Variants in SYNM observed in about 807,000 individuals in gnomAD.
The protein encoded by SYNM is desmuslin.
A neutral mutation model predicts 104.0 loss-of-function variants in SYNM; 95 were observed. The ratio of observed to expected loss-of-function variants is 0.91; its 90% confidence interval spans 0.77 to 1.08. SYNM has a LOEUF of 1.08. SYNM is among the 50% of genes least tolerant of loss of function. SYNM has a pLI of 0.00. For synonymous variants in SYNM, 918 were observed against 869.0 expected (o/e 1.06, Z -0.99); for missense variants, 2,150 against 2,052.2 (o/e 1.05, Z -0.92).
downstream of SYNM, chr15:99,140,092 A>G (rs1009613864): frequency 1.4e-4 from 29 of 206,996 alleles, no homozygotes; most frequent in Non-Finnish European, 5.9e-5. Flanking sequence ...TTTTAAATAA[A>G]GTAATTAAGA....
At chr15:99,116,652 G>A (rs2067352501) in intron 2 of SYNM, among the ~76,000 whole-genome samples, 1 of 142,858 alleles carries the variant, frequency 7.0e-6, no homozygotes, top group African/African-American at 2.5e-5. Flanking sequence ...GAGCAAGAGA[G>A]TGGGGAGGTG....
rs782805410 is a variant in SYNM at position 99,132,610 on chromosome 15, T to C, written c.4250T>C (p.Ile1417Thr). ...ACAGAAACGGAAACCTCTGAACACA[T>C]TGCCATCCGTGGACCCGTGTCCAGA... ...GPTETETSEH[I>T]AIRGPVSRTF... Residue 1417 changes from isoleucine (I) to threonine (T), a missense_variant, in exon 4 of 4, where the codon ATT (isoleucine) becomes ACT (threonine). Ile to Thr is a moderately conservative substitution (Grantham distance 89). Coordinates refer to ENST00000336292, the MANE Select transcript of SYNM (RefSeq NM_145728.3). 1.8e-5 allele frequency: 29 copies of C among 1,613,860 alleles called. No individual in the cohort carries two copies. The highest frequency in any genetic ancestry group is 6.6e-5 in the South Asian group (6 of 91,078).
chr15:99,120,781 T>G (rs1402182739), intron 2 of SYNM, among the ~76,000 whole-genome samples: 1 of 151,980 alleles, frequency 6.6e-6, no homozygotes, highest in Non-Finnish European at 1.5e-5. Flanking sequence ...GATTGAAGAT[T>G]GATGAAGGTC....
intron 1 of SYNM, 26 bp from the exon 2 acceptor site, chr15:99,113,565 T>C (rs528812094): frequency 1.1e-5 from 17 of 1,611,776 alleles, no homozygotes; most frequent in African/African-American, 8.0e-5. Flanking sequence ...AGTTCTCTGA[T>C]ATAAAAGTCT....
intron 2 of SYNM, among the ~76,000 whole-genome samples, chr15:99,124,275 G>A (rs368049456): frequency 2.4e-4 from 36 of 152,338 alleles, no homozygotes; most frequent in South Asian, 6.2e-4. Flanking sequence ...AGAGGAAGTC[G>A]TGGTTTCTGG....
At position 99,130,992 on chromosome 15, in the gene SYNM, CAGA is replaced by C; in HGVS notation, c.2635_2637del (p.Lys879del). 1 of 1,613,742 alleles carries C rather than the reference CAGA, an allele frequency of 6.2e-7. No individual in the cohort carries two copies. The highest frequency in any genetic ancestry group is 8.5e-7 in the Non-Finnish European group (1 of 1,179,786). On this transcript the variant is annotated inframe_deletion, in exon 4 of 4. Transcript: ENST00000336292. ...CGTGCAGGGGACTCGAAGGAGGACA[CAGA>C]AGGACGGTGCAGTGGGCGAGAAGGT...
At chr15:99,123,859 C>T (rs1396843112) in intron 2 of SYNM, among the ~76,000 whole-genome samples, 2 of 152,276 alleles carry the variant, frequency 1.3e-5, no homozygotes, top group East Asian at 3.8e-4. Flanking sequence ...GATTGTTCAG[C>T]AATTCCATTA....
chr15:99,126,507 G>A (rs1000678069), intron 2 of SYNM, among the ~76,000 whole-genome samples: 4 of 152,374 alleles, frequency 2.6e-5, no homozygotes, highest in East Asian at 1.9e-4. Flanking sequence ...GGGATGTGGC[G>A]GTGAGCAGAG....
downstream of SYNM, chr15:99,137,132 G>A (rs958756244): frequency 4.6e-5 from 7 of 152,264 alleles, no homozygotes; most frequent in African/African-American, 1.4e-4. Context: ...CATCCACCTC[G>A]ATCTGGCACT....
intron 2 of SYNM, among the ~76,000 whole-genome samples, chr15:99,117,416 G>C (rs1427599688): frequency 1.3e-5 from 2 of 152,200 alleles, no homozygotes; most frequent in Non-Finnish European, 2.9e-5. Context: ...CCTCTTATGA[G>C]TCACATGGAC....
Position 99,105,916 on chromosome 15 carries a change from C to T in SYNM, c.717C>T (p.Arg239=), listed in dbSNP as rs782488874. 4 of 1,531,958 alleles carry T rather than the reference C, an allele frequency of 2.6e-6. No individual in the cohort carries two copies. The highest frequency in any genetic ancestry group is 3.5e-6 in the Non-Finnish European group (4 of 1,144,238). The allele number at this position is 1,531,958 out of a possible 1,614,324, so 94.9% of individuals were successfully genotyped here. ...LCAQEAEALR[R]EALGLEQLRA... Reference sequence around the variant, plus strand: ...CGCAGGAGGCAGAGGCGCTGCGGCGCGAGGCGCTCGGGTTGGAGCAGCTGC... The same window carrying T: ...CGCAGGAGGCAGAGGCGCTGCGGCGTGAGGCGCTCGGGTTGGAGCAGCTGC... The change falls in exon 1 of 4, where the codon CGC becomes CGT. Residue 239 remains arginine, a synonymous_variant. Coordinates refer to ENST00000336292, the MANE Select transcript of SYNM (RefSeq NM_145728.3).
intron 1 of SYNM, among the ~76,000 whole-genome samples, chr15:99,107,942 TTTTGTTTTGTTTTTTTTTTGGTTTTGG>T (rs1339810063): frequency 2.5e-5 from 3 of 121,814 alleles, no homozygotes; most frequent in African/African-American, 1.2e-4. Flanking sequence ...TTTTTTTGTT[TTTTGTTTTGTTTTTTTTTTGGTTTTGG>T]TTTTGGTTTT....
At chr15:99,124,990 A>G (rs1442277814) in intron 2 of SYNM, among the ~76,000 whole-genome samples, 1 of 152,316 alleles carries the variant, frequency 6.6e-6, no homozygotes, top group East Asian at 1.9e-4. Context: ...CCTGAACTCT[A>G]TGAAGGTTTG....
At chr15:99,119,264 G>A (rs1347331528) in intron 2 of SYNM, among the ~76,000 whole-genome samples, 5 of 152,202 alleles carry the variant, frequency 3.3e-5, no homozygotes, top group African/African-American at 1.2e-4. Flanking sequence ...GAGAATCCCC[G>A]GTCCAGGGCC....
downstream of SYNM, chr15:99,136,331 G>T (rs367862293): frequency 5.9e-5 from 9 of 152,368 alleles, no homozygotes; most frequent in East Asian, 9.6e-4. Flanking sequence ...AGTAACATCA[G>T]AATTCACATT....
At chr15:99,137,731 A>G (rs1427248883), downstream of SYNM, 2 of 417,252 alleles carry the variant, frequency 4.8e-6, no homozygotes, top group Non-Finnish European at 8.7e-6. Flanking sequence ...GAAGTTTTTC[A>G]GCCACAGTAG....
chr15:99,133,521 G>T lies in SYNM; in HGVS notation c.*463G>T, dbSNP rs1210741406. On this transcript the variant is annotated 3_prime_UTR_variant, in exon 4 of 4. Transcript: ENST00000336292. ...ATAAATACAATTTAGACTCTAAAAAGTCTTTTCAAAAAGAAATGGGAAATA... is the reference window on the plus strand; with the variant it reads ...ATAAATACAATTTAGACTCTAAAAATTCTTTTCAAAAAGAAATGGGAAATA... 6.2e-6 allele frequency: 1 copy of T among 160,920 alleles called. No individual in the cohort carries two copies. The highest frequency in any genetic ancestry group is 1.4e-5 in the Non-Finnish European group (1 of 72,552). 10.0% of individuals were successfully genotyped at this position (160,920 alleles called of 1,614,324 possible).
In SYNM at chr15:99,131,050, C is replaced by T. The variant is rs782820113; in HGVS notation, c.2690C>T (p.Ser897Phe). 2 of 1,608,166 alleles carry T rather than the reference C, an allele frequency of 1.2e-6. No homozygotes were observed. Among genetic ancestry groups the T allele is most frequent in the South Asian group, 2.2e-5 (2 of 90,076 alleles). Reference sequence around the variant, plus strand: ...AAGCCCTTGGATGTCCCAGCGCCCTCTCTGGAGGGGGACCTGGGTTCCACT... The same window carrying T: ...AAGCCCTTGGATGTCCCAGCGCCCTTTCTGGAGGGGGACCTGGGTTCCACT... Reference protein sequence around the residue: ...VVKPLDVPAPSLEGDLGSTHW... With the variant: ...VVKPLDVPAPFLEGDLGSTHW... The change falls in exon 4 of 4, where the codon TCT (serine) becomes TTT (phenylalanine). Residue 897 changes from serine to phenylalanine, a missense_variant. Coordinates refer to ENST00000336292, the MANE Select transcript of SYNM (RefSeq NM_145728.3). This position sits in a 1 kb window ranked among gnomAD's most constrained non-coding sequence, Gnocchi z 4.3.
At chr15:99,139,612 A>G (rs1038326785), downstream of SYNM, 10 of 1,524,272 alleles carry the variant, frequency 6.6e-6, no homozygotes, top group Non-Finnish European at 7.9e-6. Flanking sequence ...ACTATTTCAC[A>G]AAACTCTCTG....
Sources: gnomAD v4.1 joint callset for allele counts (sites outside exome capture counted in the v4.1 genomes callset) on GRCh38, gnomAD v4.1.1 for gene constraint, Gnocchi (gnomAD v3.1) non-coding constraint, MANE v1.5 for transcripts, NCBI Gene and HGNC (gene_info 2026-07-23, HGNC 2026-07-21) for gene names.